Variants in DPEP3 observed in about 807,000 individuals in gnomAD.
The protein encoded by DPEP3 is membrane-bound dipeptidase 3.
DPEP3 carries 42 observed loss-of-function variants against 47.5 expected under a neutral mutation model. The ratio of observed to expected loss-of-function variants is 0.88; its 90% CI spans 0.69 to 1.14. The LOEUF (loss-of-function observed/expected upper bound fraction) is 1.14, where lower values mean the gene tolerates loss of function less well. DPEP3 is among the 50% of genes most tolerant of loss of function. DPEP3 has a pLI of 0.00. For missense variants in DPEP3, 560 were observed against 635.0 expected, an observed-to-expected ratio of 0.88 and a Z score of 1.27; for synonymous variants, 276 against 270.2, an observed-to-expected ratio of 1.02 and a Z score of -0.21.
intron 6 of DPEP3, 44 bp from the exon 7 acceptor site, chr16:67,977,398 G>T: frequency 6.3e-7 from 1 of 1,584,122 alleles, no homozygotes; most frequent in East Asian, 2.3e-5. Context: ...TCTGGCCTGA[G>T]AACATGCCTC....
chr16:67,978,156 A>G lies in DPEP3; in HGVS notation c.686+111T>C. ...ATTGTGAGGGACCCACTGGGTGTCC[A>G]GCCTCCCTCTGCGGACCCCTTCATC... On this transcript the variant is annotated intron_variant, in intron 4 of 9. Coordinates refer to ENST00000268793, the MANE Select transcript of DPEP3 (RefSeq NM_001370198.1). This position sits in a 1 kb window ranked among gnomAD's most constrained non-coding sequence, Gnocchi z 4.4. The G allele has an allele frequency of 6.3e-7, 1 of 1,586,448 alleles. No individual in the cohort carries two copies.
intron 6 of DPEP3, 77 bp downstream of exon 6, chr16:67,977,576 G>T: frequency 4.7e-6 from 7 of 1,502,720 alleles, no homozygotes; most frequent in Non-Finnish European, 6.3e-6. Context: ...GTGAAACCTG[G>T]GCTGGTGGCT....
chr16:67,978,981 A>G lies in DPEP3; in HGVS notation c.415-355T>C, dbSNP rs1021129920. Among the ~76,000 whole-genome samples, 4 of 152,122 alleles carry G rather than the reference A, an allele frequency of 2.6e-5. No individual in the cohort carries two copies. The South Asian group carries it at 8.3e-4, about 32-fold the overall frequency. The stretch of plus-strand genomic sequence containing the variant: ...TCCTTGATGACTGTTTGCTGCCAGC[A>G]GTCAAATGATGGACTCACGACACAT... On this transcript the variant is annotated intron_variant, in intron 2 of 9. Coordinates refer to ENST00000268793, the MANE Select transcript of DPEP3 (RefSeq NM_001370198.1). This position sits in a 1 kb window ranked among gnomAD's most constrained non-coding sequence, Gnocchi z 4.4.
At position 67,980,407 on chromosome 16, in the gene DPEP3, C is replaced by T. The variant is rs751357521; in HGVS notation, c.-27G>A. ...TTGCGCGGGGGTCGGCCGCGGGAGC[C>T]TGGGAGGAGCAGGCGATGGGCAGAG... is the stretch of plus-strand genomic sequence containing the variant. On this transcript the variant is annotated 5_prime_UTR_variant, in exon 1 of 10. Coordinates refer to ENST00000268793, the MANE Select transcript of DPEP3 (RefSeq NM_001370198.1). The T allele has an allele frequency of 1.6e-5, 24 of 1,497,710 alleles. No individual in the cohort carries two copies. In the South Asian group the frequency reaches 2.2e-4, roughly 14 times the overall value. 92.8% of individuals were successfully genotyped at this position (1,497,710 alleles called of 1,614,324 possible). A position where few individuals can be genotyped will look rare whatever the true frequency, so the allele number is the denominator to read the frequency against.
At position 67,977,827 on chromosome 16, in the gene DPEP3, T is replaced by C; in HGVS notation, c.759A>G (p.Lys253=). The change falls in exon 6 of 10, where the codon AAA becomes AAG. Residue 253 remains lysine (K), a splice_region_variant and synonymous_variant. Transcript: ENST00000268793. ...CCAGGCGGTTCAACTCCTCTACTAC[T>C]TTCTGCAGAAACAATTAGGTTTTTT... is the stretch of plus-strand genomic sequence containing the variant. ...NVSGLTSFGE[K]VVEELNRLGM... 6.2e-7 allele frequency: 1 copy of C among 1,613,872 alleles called. No individual in the cohort carries two copies. Among genetic ancestry groups the C allele is most frequent in the South Asian group, 1.1e-5 (1 of 91,082 alleles).
At chr16:67,976,056 A>C in intron 9 of DPEP3, 37 bp downstream of exon 9, 2 of 1,613,852 alleles carry the variant, frequency 1.2e-6, no homozygotes, top group Non-Finnish European at 1.7e-6. Flanking sequence ...TCCCCTTCTC[A>C]AACCACTGAA....
rs1337132425 is a variant in DPEP3, at chr16:67,980,161, T to C, written c.220A>G (p.Thr74Ala). ...LTTPGLTTPG[T>A]PKTLDLRGRA... ...CCCCGAAGGTCCAGGGTTTTGGGGG[T>C]GCCTGGCGTAGTGAGGCCTGGGGTA... is the stretch of plus-strand genomic sequence containing the variant. The change falls in exon 1 of 10, where the codon ACC becomes GCC. Residue 74 changes from threonine to alanine, a missense_variant. Thr to Ala is a moderately conservative substitution (Grantham distance 58). Transcript: ENST00000268793. 6.2e-7 allele frequency: 1 copy of C among 1,612,190 alleles called. No individual in the cohort carries two copies. The highest frequency in any genetic ancestry group is 8.5e-7 in the Non-Finnish European group (1 of 1,179,206).
In DPEP3 at chr16:67,975,975, G is replaced by A. The variant is rs2031185066; in HGVS notation, c.1257C>T (p.Ser419=). The A allele has an allele frequency of 6.2e-7, 1 of 1,613,992 alleles. No individual in the cohort carries two copies. Among genetic ancestry groups the A allele is most frequent in the Non-Finnish European group, 8.5e-7 (1 of 1,179,886 alleles). Residue 419 remains serine, a synonymous_variant, in exon 10 of 10, where the codon AGC becomes AGT. Coordinates refer to ENST00000268793, the MANE Select transcript of DPEP3 (RefSeq NM_001370198.1). ...EKVREESRAQ[S]PVEAEFPYGQ... The stretch of plus-strand genomic sequence containing the variant: ...CATATGGAAACTCAGCCTCCACGGG[G>A]CTCTGCGCCCTGCTCTCCTCTCTCA...
Position 67,975,674 on chromosome 16 carries a change from C to G in DPEP3, c.*91G>C, listed in dbSNP as rs2031175015. 7.8e-7 allele frequency: 1 copy of G among 1,278,724 alleles called. No individual in the cohort carries two copies. 79.2% of individuals were successfully genotyped at this position (1,278,724 alleles called of 1,614,324 possible). ...CATGTGCACCTGGCTCCATGTGTAA[C>G]ATGTTTATTCTCAGCATATGCTTGT... On this transcript the variant is annotated 3_prime_UTR_variant, in exon 10 of 10. Coordinates refer to ENST00000268793, the MANE Select transcript of DPEP3 (RefSeq NM_001370198.1).
At chr16:67,980,012 C>G in intron 1 of DPEP3, 82 bp downstream of exon 1, 1 of 1,519,272 alleles carries the variant, frequency 6.6e-7, no homozygotes, top group Non-Finnish European at 8.8e-7. Flanking sequence ...CCTTGATAGC[C>G]TCCTTGATAG....
rs765491890 is a variant in DPEP3, at chr16:67,976,115, C to G, written c.1208G>C (p.Arg403Pro). 4 of 1,614,050 alleles carry G rather than the reference C, an allele frequency of 2.5e-6. No individual in the cohort carries two copies. Among genetic ancestry groups the G allele is most frequent in the Non-Finnish European group, 3.4e-6 (4 of 1,180,040 alleles). The change falls in exon 9 of 10, where the codon CGG becomes CCG. Residue 403 changes from arginine (R) to proline (P), a missense_variant. Transcript: ENST00000268793. ...LQGVLRGNLL[R>P]VFRQVEKVRE... is the part of the protein sequence containing the mutation. ...TACCTTTTCCACTTGTCTGAAGACC[C>G]GCAGCAGGTTTCCACGAAGGACACC...
rs758141631 is a variant in DPEP3 at position 67,980,173 on chromosome 16, T to C, written c.208A>G (p.Thr70Ala). The stretch of plus-strand genomic sequence containing the variant: ...AGGGTTTTGGGGGTGCCTGGCGTAG[T>C]GAGGCCTGGGGTAGTGAGGGCGCTG... Reference protein sequence around the residue: ...VPSALTTPGLTTPGTPKTLDL... With the variant: ...VPSALTTPGLATPGTPKTLDL... Residue 70 changes from threonine (T) to alanine (A), a missense_variant, in exon 1 of 10, where the codon ACT (threonine) becomes GCT (alanine). Transcript: ENST00000268793. 5.0e-6 allele frequency: 8 copies of C among 1,611,906 alleles called. No homozygotes were observed. In the South Asian group the frequency reaches 6.6e-5, roughly 13 times the overall value.
chr16:67,976,030 T>C, intron 9 of DPEP3, 29 bp from the exon 10 acceptor site: 1 of 1,613,366 alleles, frequency 6.2e-7, no homozygotes, highest in Non-Finnish European at 8.5e-7. Flanking sequence ...AGTCAGAGGC[T>C]CCCACAGCAA....
chr16:67,980,429 A>C lies in DPEP3; in HGVS notation c.-49T>G. The C allele has an allele frequency of 6.8e-7, 1 of 1,479,122 alleles. No individual in the cohort carries two copies. Among genetic ancestry groups the C allele is most frequent in the East Asian group, 2.6e-5 (1 of 38,994 alleles). 91.6% of individuals were successfully genotyped at this position (1,479,122 alleles called of 1,614,324 possible). On this transcript the variant is annotated 5_prime_UTR_variant, in exon 1 of 10. Coordinates refer to ENST00000268793, the MANE Select transcript of DPEP3 (RefSeq NM_001370198.1). ...AGCCTGGGAGGAGCAGGCGATGGGCAGAGGCCGACAATGGGGTCCGGATCA... is the reference window on the plus strand; with the variant it reads ...AGCCTGGGAGGAGCAGGCGATGGGCCGAGGCCGACAATGGGGTCCGGATCA...
chr16:67,979,534 A>T (rs2031274961), intron 2 of DPEP3, 105 bp downstream of exon 2: 1 of 1,516,668 alleles, frequency 6.6e-7, no homozygotes, highest in African/African-American at 1.4e-5. Flanking sequence ...GGCACACTGC[A>T]TGCCCCATTG....
At position 67,976,738 on chromosome 16, in the gene DPEP3, C is replaced by T. The variant is rs930320934; in HGVS notation, c.1056G>A (p.Glu352=). Residue 352 remains glutamate, a synonymous_variant, in exon 8 of 10, where the codon GAG becomes GAA. Coordinates refer to ENST00000268793, the MANE Select transcript of DPEP3 (RefSeq NM_001370198.1). ...CATAATTTCCACCAATCCCGATGAA[C>T]TCAGATCCAATGACTGCCCTGATGT... ...FDHIRAVIGS[E]FIGIGGNYDG... 1 of 1,614,156 alleles carries T rather than the reference C, an allele frequency of 6.2e-7. No homozygotes were observed. The highest frequency in any genetic ancestry group is 8.5e-7 in the Non-Finnish European group (1 of 1,180,018).
Position 67,980,334 on chromosome 16 carries a change from T to C in DPEP3, c.47A>G (p.Tyr16Cys). The C allele has an allele frequency of 6.4e-7, 1 of 1,552,548 alleles. No homozygotes were observed. Among genetic ancestry groups the C allele is most frequent in the Non-Finnish European group, 8.7e-7 (1 of 1,149,410 alleles). Residue 16 changes from tyrosine (Y) to cysteine (C), a missense_variant, in exon 1 of 10, where the codon TAT becomes TGT. Coordinates refer to ENST00000268793, the MANE Select transcript of DPEP3 (RefSeq NM_001370198.1). ...REGSRALSRR[Y>C]LRRLLLLLLL... Reference sequence around the variant, plus strand: ...TAGCAGGAGCAGCAGACGCCGCAGATACCGCCGGCTGAGCGCGCGGGAACC... The same window carrying C: ...TAGCAGGAGCAGCAGACGCCGCAGACACCGCCGGCTGAGCGCGCGGGAACC...
chr16:67,980,101 C>G lies in DPEP3; in HGVS notation c.280G>C (p.Val94Leu). The part of the protein sequence containing the change: ...AQALMRSFPL[V>L]DGHNDLPQVL... ...AACGCTGCACCTACATACCCGTCCA[C>G]GAGTGGGAAACTCCGCATCAGGGCC... Residue 94 changes from valine (V) to leucine (L), a missense_variant, in exon 1 of 10, where the codon GTG (valine) becomes CTG (leucine). Physicochemically the swap from Val to Leu is conservative, Grantham distance 32. Coordinates refer to ENST00000268793, the MANE Select transcript of DPEP3 (RefSeq NM_001370198.1). 1.2e-6 allele frequency: 2 copies of G among 1,610,854 alleles called. No individual in the cohort carries two copies. Among genetic ancestry groups the G allele is most frequent in the African/African-American group, 1.3e-5 (1 of 74,942 alleles).
In DPEP3 at chr16:67,978,663, G is replaced by A. The variant is rs1463280621; in HGVS notation, c.415-37C>T. On this transcript the variant is annotated intron_variant, in intron 2 of 9. Transcript: ENST00000268793. This position sits in a 1 kb window ranked among gnomAD's most constrained non-coding sequence, Gnocchi z 4.4. ...TCAAGGGGTCCAGAATGAGGCCAGG[G>A]CGGTCTTCAACCCCCTAGGCCTGCC... is the stretch of plus-strand genomic sequence containing the variant. The A allele has an allele frequency of 5.0e-6, 8 of 1,610,438 alleles. No individual in the cohort carries two copies. In the African/African-American group the frequency reaches 8.0e-5, roughly 16 times the overall value.
Sources: allele counts gnomAD v4.1 joint callset (sites outside exome capture counted in the v4.1 genomes callset), GRCh38; gene constraint gnomAD v4.1.1; non-coding constraint Gnocchi (gnomAD v3.1); transcripts MANE v1.5; gene names NCBI Gene and HGNC (gene_info 2026-07-23, HGNC 2026-07-21).